Variants in TRAPPC9 observed in about 807,000 individuals in gnomAD.
The protein encoded by TRAPPC9 is trafficking protein particle complex subunit 9.
In TRAPPC9, 83 loss-of-function variants were observed where a neutral mutation model predicts 124.0. The observed-to-expected ratio is 0.67, with a 90% CI of 0.56 to 0.80. The LOEUF is 0.80. Ranked by LOEUF, TRAPPC9 falls within the 30% of genes least tolerant of loss-of-function variation. The pLI is 0.00. For missense variants in TRAPPC9, 1,302 were observed against 1,508.3 expected (o/e 0.86, Z 2.27); for synonymous variants, 638 against 617.5 (o/e 1.03, Z -0.49).
intron 9 of TRAPPC9, among the ~76,000 whole-genome samples, chr8:140,352,725 A>T (rs1280777601): frequency 1.3e-5 from 2 of 152,104 alleles, no homozygotes; most frequent in African/African-American, 4.8e-5. Context: ...CAGTCAGAGC[A>T]CTGCTAGAGT....
At chr8:140,249,201 C>T (rs1356108007) in intron 16 of TRAPPC9, among the ~76,000 whole-genome samples, 1 of 152,138 alleles carries the variant, frequency 6.6e-6, no homozygotes, top group Non-Finnish European at 1.5e-5. Context: ...TCTCGAGTAG[C>T]CCCCGTGTCT....
chr8:140,289,267 A>G (rs2131748324), intron 12 of TRAPPC9, among the ~76,000 whole-genome samples: 2 of 151,952 alleles, frequency 1.3e-5, no homozygotes, highest in South Asian at 4.2e-4. Context: ...TGTCTACAGG[A>G]AGCACCCAGA....
At chr8:140,126,561 A>C (rs2061102119) in intron 17 of TRAPPC9, among the ~76,000 whole-genome samples, 2 of 152,244 alleles carry the variant, frequency 1.3e-5, no homozygotes, top group Non-Finnish European at 2.9e-5. Context: ...AGTTGAATAC[A>C]AGCAGCACAA....
chr8:139,847,691 C>T (rs776115015), intron 21 of TRAPPC9, among the ~76,000 whole-genome samples: 19 of 151,096 alleles, frequency 1.3e-4, no homozygotes, highest in South Asian at 4.2e-4. Context: ...GCCTTCCCGA[C>T]GGCCCGGCCT....
At chr8:140,208,553 C>A (rs1193075934) in intron 17 of TRAPPC9, among the ~76,000 whole-genome samples, 2 of 152,238 alleles carry the variant, frequency 1.3e-5, no homozygotes, top group Admixed American at 6.5e-5. Flanking sequence ...AAGTTGCTGG[C>A]ATGATCAGAT....
intron 21 of TRAPPC9, among the ~76,000 whole-genome samples, chr8:139,844,732 T>C (rs940393945): frequency 2.0e-5 from 3 of 151,942 alleles, no homozygotes; most frequent in African/African-American, 4.8e-5. Context: ...CTGGGGAAAA[T>C]AGAATTGTTT....
chr8:139,857,671 C>T (rs1587001462), intron 21 of TRAPPC9, among the ~76,000 whole-genome samples: 1 of 152,242 alleles, frequency 6.6e-6, no homozygotes, highest in East Asian at 1.9e-4. Context: ...GTCTGACCAC[C>T]TCTGCCTCCT....
At chr8:139,928,630 C>A (rs1405384307) in intron 19 of TRAPPC9, among the ~76,000 whole-genome samples, 2 of 151,748 alleles carry the variant, frequency 1.3e-5, no homozygotes, top group Non-Finnish European at 2.9e-5. Context: ...GAGCTGCTGT[C>A]GGTACTGGGT....
chr8:139,971,804 CATATAT>C (rs1340223507), intron 19 of TRAPPC9, among the ~76,000 whole-genome samples: 1 of 2,200 alleles, frequency 4.5e-4, no homozygotes. Flanking sequence ...TATATATATA[CATATAT>C]ATATATACAC....
intron 8 of TRAPPC9, among the ~76,000 whole-genome samples, chr8:140,369,982 C>T (rs2068230799): frequency 6.6e-6 from 1 of 151,836 alleles, no homozygotes; most frequent in South Asian, 2.1e-4. Flanking sequence ...AAAAGGATGC[C>T]GAAGAACCCA....
chr8:139,804,791 C>T (rs536777695), intron 21 of TRAPPC9, among the ~76,000 whole-genome samples: 4 of 151,128 alleles, frequency 2.6e-5, no homozygotes, highest in East Asian at 2.0e-4. Context: ...GCACCACCGC[C>T]GCAGCCACCA....
chr8:140,405,423 T>A, intron 6 of TRAPPC9, 154 bp downstream of exon 6: 1 of 767,580 alleles, frequency 1.3e-6, no homozygotes, highest in Non-Finnish European at 2.1e-6. Flanking sequence ...AAAGAAAACA[T>A]TTTAGGCATA....
intron 9 of TRAPPC9, among the ~76,000 whole-genome samples, chr8:140,349,423 C>G (rs28666416): frequency 2.1e-4 from 10 of 46,540 alleles, no homozygotes; most frequent in South Asian, 7.4e-4. Flanking sequence ...GGGCACACAG[C>G]GGGGCCGATG....
At chr8:140,078,510 G>A (rs1843635778) in intron 17 of TRAPPC9, among the ~76,000 whole-genome samples, 1 of 152,226 alleles carries the variant, frequency 6.6e-6, no homozygotes, top group South Asian at 2.1e-4. Context: ...AAGGCCAGAG[G>A]TGGGATGGGG....
chr8:140,228,000 T>C (rs1051340562), intron 16 of TRAPPC9, among the ~76,000 whole-genome samples: 2 of 152,214 alleles, frequency 1.3e-5, no homozygotes, highest in Admixed American at 1.3e-4. Flanking sequence ...CCAGCCAAGG[T>C]TGTTCTGTAG....
At chr8:139,915,970 A>G (rs942198212) in intron 19 of TRAPPC9, among the ~76,000 whole-genome samples, 1 of 152,222 alleles carries the variant, frequency 6.6e-6, no homozygotes, top group African/African-American at 2.4e-5. Flanking sequence ...TGCTCTCTAG[A>G]GATTCGCTAA....
chr8:139,830,358 G>GC (rs1405572961), intron 21 of TRAPPC9, among the ~76,000 whole-genome samples: 1 of 149,236 alleles, frequency 6.7e-6, no homozygotes, highest in African/African-American at 2.5e-5. Context: ...AATTACACAT[G>GC]CATACACGCT....
chr8:140,183,971 AGGAGG>A (rs2062287817), intron 17 of TRAPPC9, among the ~76,000 whole-genome samples: 2 of 33,190 alleles, frequency 6.0e-5, no homozygotes, highest in Non-Finnish European at 1.1e-4. Flanking sequence ...GGGAGGAGGG[AGGAGG>A]GAGGAGGGAG....
At chr8:139,766,343 T>A (rs1384246608) in intron 21 of TRAPPC9, among the ~76,000 whole-genome samples, 2 of 152,190 alleles carry the variant, frequency 1.3e-5, no homozygotes, top group Non-Finnish European at 2.9e-5. Context: ...TCCACACCCC[T>A]GTGGCCCCTC....
Sources: allele counts gnomAD v4.1 joint callset (sites outside exome capture counted in the v4.1 genomes callset), GRCh38; gene constraint gnomAD v4.1.1; transcripts MANE v1.5; gene names NCBI Gene and HGNC (gene_info 2026-07-23, HGNC 2026-07-21).